The following CCN1 variants were observed in gnomAD, a reference collection of about 807,000 sequenced individuals.
CCN1 encodes the protein CCN family member 1.
Under a neutral mutation model 38.1 loss-of-function variants are expected in CCN1, and 12 were observed. The observed-to-expected ratio is 0.31, with a 90% CI of 0.20 to 0.51. The LOEUF (loss-of-function observed/expected upper bound fraction) is 0.51. Ranked by LOEUF, CCN1 falls within the 20% of genes least tolerant of loss-of-function variation. The pLI is 0.97. For synonymous variants in CCN1, 202 were observed against 196.1 expected, an observed-to-expected ratio of 1.03 and a Z score of -0.25; for missense variants, 466 against 490.9, an observed-to-expected ratio of 0.95 and a Z score of 0.48.
At position 85,582,824 on chromosome 1, in the gene CCN1, C is replaced by T. The variant is rs974090735; in HGVS notation, c.928C>T (p.Arg310Trp). ...TGGATGTTTGAGTGTGAAGAAATAC[C>T]GGCCCAAGTACTGCGGTTCCTGCGT... is the stretch of plus-strand genomic sequence containing the variant. Reference protein sequence around the residue: ...YAGCLSVKKYRPKYCGSCVDG... With the variant: ...YAGCLSVKKYWPKYCGSCVDG... The change falls in exon 5 of 5, where the codon CGG (arginine) becomes TGG (tryptophan). Residue 310 changes from arginine (R) to tryptophan (W), a missense_variant. Physicochemically the swap from Arg to Trp is moderately radical, Grantham distance 101. Transcript: ENST00000451137. 7 of 1,614,024 alleles carry T rather than the reference C, an allele frequency of 4.3e-6. No homozygotes were observed. In the African/African-American group the frequency reaches 5.3e-5, roughly 12 times the overall value.
In CCN1 at chr1:85,581,961, C is replaced by A; in HGVS notation, c.311C>A (p.Ser104Tyr). 6.2e-7 allele frequency: 1 copy of A among 1,614,174 alleles called. No individual in the cohort carries two copies. The highest frequency in any genetic ancestry group is 8.5e-7 in the Non-Finnish European group (1 of 1,180,026). The change falls in exon 3 of 5, where the codon TCC becomes TAC. Residue 104 changes from serine (S) to tyrosine (Y), a missense_variant. Around this residue, in one of 3 missense-constraint regions of CCN1, gnomAD observed 146 missense variants for 141.1 expected, o/e 1.03. Transcript: ENST00000451137. The stretch of plus-strand genomic sequence containing the variant: ...GAGGGCAGACCCTGTGAATATAACT[C>A]CAGAATCTACCAAAACGGGGAAAGT... ...QSEGRPCEYNSRIYQNGESFQ... is the reference protein window; with the variant it reads ...QSEGRPCEYNYRIYQNGESFQ...
At position 85,580,814 on chromosome 1, in the gene CCN1, C is replaced by T. The variant is rs552832714; in HGVS notation, c.-171C>T. The T allele has an allele frequency of 2.2e-5, 11 of 506,926 alleles. No individual in the cohort carries two copies. Among genetic ancestry groups the T allele is most frequent in the Middle Eastern group, 5.5e-4 (1 of 1,802 alleles). The allele number at this position is 506,926 out of a possible 1,614,324, so 31.4% of individuals were successfully genotyped here. ...GCGCCCGCGCCCTCCGCGCCTTCTC[C>T]GCCGGGACCTCGAGCGAAAGACGCC... On this transcript the variant is annotated 5_prime_UTR_variant, in exon 1 of 5. Transcript: ENST00000451137.
Position 85,583,358 on chromosome 1 carries a change from T to A in CCN1, c.*316T>A, listed in dbSNP as rs1279475768. ...TAAATTATTTGCTAAGCATATTTTC[T>A]CTAGGCTTTTTTCCTTTTGGGGTTC... On this transcript the variant is annotated 3_prime_UTR_variant, in exon 5 of 5. Transcript: ENST00000451137. The A allele has an allele frequency of 3.0e-6, 1 of 334,420 alleles. No homozygotes were observed. The allele number at this position is 334,420 out of a possible 1,614,324, so 20.7% of individuals were successfully genotyped here. A position where few individuals can be genotyped will look rare whatever the true frequency, so the allele number is the denominator to read the frequency against.
In CCN1 at chr1:85,582,085, T is replaced by C. The variant is rs373547106; in HGVS notation, c.435T>C (p.Cys145=). The C allele has an allele frequency of 1.2e-5, 20 of 1,614,026 alleles. No homozygotes were observed. The African/African-American group carries it at 2.7e-4, about 22-fold the overall frequency. Residue 145 remains cysteine, a synonymous_variant, in exon 3 of 5, where the codon TGT becomes TGC. Coordinates refer to ENST00000451137, the MANE Select transcript of CCN1 (RefSeq NM_001554.5). ...PQELSLPNLG[C]PNPRLVKVTG... is the part of the protein sequence containing the mutation. ...AACTATCTCTCCCCAACTTGGGCTG[T>C]CCCAACCCTCGGCTGGTCAAAGTTA...
intron 1 of CCN1, 79 bp from the exon 2 acceptor site, chr1:85,581,286 C>G: frequency 2.9e-6 from 4 of 1,398,174 alleles, no homozygotes; most frequent in Non-Finnish European, 2.9e-6. Flanking sequence ...GTCGGAGACC[C>G]CCGTCCCTCA....
Position 85,580,857 on chromosome 1 carries a change from T to C in CCN1, c.-128T>C. The C allele has an allele frequency of 1.2e-6, 1 of 843,510 alleles. No homozygotes were observed. The highest frequency in any genetic ancestry group is 1.6e-6 in the Non-Finnish European group (1 of 618,930). 52.3% of individuals were successfully genotyped at this position (843,510 alleles called of 1,614,324 possible). A position where few individuals can be genotyped will look rare whatever the true frequency, so the allele number is the denominator to read the frequency against. On this transcript the variant is annotated 5_prime_UTR_variant, in exon 1 of 5. Transcript: ENST00000451137. ...AAGACGCCCGCCCGCCGCCCAGCCC[T>C]CGCCTCCCTGCCCACCGGGCCCACC... is the stretch of plus-strand genomic sequence containing the variant.
Position 85,582,931 on chromosome 1 carries a change from G to T in CCN1, c.1035G>T (p.Lys345Asn). ...FRCEDGETFS[K>N]NVMMIQSCKC... is the part of the protein sequence containing the mutation. ...GCGAAGATGGGGAGACATTTTCCAA[G>T]AACGTCATGATGATCCAGTCCTGCA... is the stretch of plus-strand genomic sequence containing the variant. Residue 345 changes from lysine (K) to asparagine (N), a missense_variant, in exon 5 of 5, where the codon AAG becomes AAT. Physicochemically the swap from Lys to Asn is moderately conservative, Grantham distance 94 (BLOSUM62 0). This residue lies in a region of CCN1 where 309 missense variants were observed against 319.9 expected (regional missense o/e 0.97). Coordinates refer to ENST00000451137, the MANE Select transcript of CCN1 (RefSeq NM_001554.5). The T allele has an allele frequency of 6.2e-7, 1 of 1,614,216 alleles. No homozygotes were observed. The highest frequency in any genetic ancestry group is 8.5e-7 in the Non-Finnish European group (1 of 1,180,048).
intron 1 of CCN1, 151 bp from the exon 2 acceptor site, chr1:85,581,214 T>G: frequency 8.9e-6 from 10 of 1,124,166 alleles, no homozygotes; most frequent in South Asian, 1.6e-5. Context: ...CGGGACCTCT[T>G]GGTGGGAGCA....
chr1:85,581,442 G>A lies in CCN1; in HGVS notation c.141G>A (p.Arg47=), dbSNP rs1274666105. 1 of 1,610,092 alleles carries A rather than the reference G, an allele frequency of 6.2e-7. No homozygotes were observed. The change falls in exon 2 of 5, where the codon CGG becomes CGA. Residue 47 remains arginine, a synonymous_variant. Transcript: ENST00000451137. ...PKCAPGVGLV[R]DGCGCCKVCA... ...GCGCGCCGGGAGTCGGGCTGGTCCG[G>A]GACGGCTGCGGCTGCTGTAAGGTCT... is the stretch of plus-strand genomic sequence containing the variant.
rs543941690 is a variant in CCN1, at chr1:85,580,881, C to G, written c.-104C>G. ...CTCGCCTCCCTGCCCACCGGGCCCA[C>G]CGCGCCGCCACCCCGACCCCGCTGC... On this transcript the variant is annotated 5_prime_UTR_variant, in exon 1 of 5. Coordinates refer to ENST00000451137, the MANE Select transcript of CCN1 (RefSeq NM_001554.5). 112 of 1,164,258 alleles carry G rather than the reference C, an allele frequency of 9.6e-5. No homozygotes were observed. In the Middle Eastern group the frequency reaches 1.1e-3, roughly 12 times the overall value. 72.1% of individuals were successfully genotyped at this position (1,164,258 alleles called of 1,614,324 possible).
chr1:85,581,227 C>T (rs1659784104), intron 1 of CCN1, 138 bp from the exon 2 acceptor site: 3 of 1,196,466 alleles, frequency 2.5e-6, no homozygotes, highest in African/African-American at 1.5e-5. Context: ...TGGGAGCAGC[C>T]TTCCGAGGTG....
chr1:85,580,918 C>CCG lies in CCN1; in HGVS notation c.-65_-64dup. 1 of 1,454,004 alleles carries CCG rather than the reference C, an allele frequency of 6.9e-7. No individual in the cohort carries two copies. Among genetic ancestry groups the CCG allele is most frequent in the South Asian group, 1.4e-5 (1 of 69,922 alleles). The allele number at this position is 1,454,004 out of a possible 1,614,324, so 90.1% of individuals were successfully genotyped here. A position where few individuals can be genotyped will look rare whatever the true frequency, so the allele number is the denominator to read the frequency against. ...CCCGACCCCGCTGCGCACGGCCTGTCCGCTGCACACCAGCTTGTTGGCGTC... is the reference window on the plus strand; with the variant it reads ...CCCGACCCCGCTGCGCACGGCCTGTCCGCGCTGCACACCAGCTTGTTGGCGTC... On this transcript the variant is annotated 5_prime_UTR_variant, in exon 1 of 5. Coordinates refer to ENST00000451137, the MANE Select transcript of CCN1 (RefSeq NM_001554.5).
rs149202939 is a variant in CCN1, at chr1:85,581,854, G to A, written c.278-74G>A. 157 of 1,439,738 alleles carry A rather than the reference G, an allele frequency of 1.1e-4. No individual in the cohort carries two copies. The African/African-American group carries it at 2.0e-3, about 18-fold the overall frequency. 89.2% of individuals were successfully genotyped at this position (1,439,738 alleles called of 1,614,324 possible). A position where few individuals can be genotyped will look rare whatever the true frequency, so the allele number is the denominator to read the frequency against. On this transcript the variant is annotated intron_variant, in intron 2 of 4. Transcript: ENST00000451137. ...AATTGAATTTAACAGCAGAAAATAT[G>A]TATGAGTTTCAGGCGGTGGTTTGGA... is the stretch of plus-strand genomic sequence containing the variant.
rs1003234344 is a variant in CCN1 at position 85,582,639 on chromosome 1, G to A, written c.843+15G>A. 6 of 1,614,124 alleles carry A rather than the reference G, an allele frequency of 3.7e-6. No individual in the cohort carries two copies. The highest frequency in any genetic ancestry group is 5.1e-6 in the Non-Finnish European group (6 of 1,180,018). ...GCAGCCTGAAAGTAAGTTCCTTCAG[G>A]GACGTGTAGACTGTTGCCTGGCAGG... On this transcript the variant is annotated intron_variant, in intron 4 of 4. Transcript: ENST00000451137.
chr1:85,582,857 C>T lies in CCN1; in HGVS notation c.961C>T (p.Arg321Ter), dbSNP rs2100587440. The T allele has an allele frequency of 1.2e-6, 2 of 1,614,138 alleles. No individual in the cohort carries two copies. The highest frequency in any genetic ancestry group is 1.7e-5 in the Admixed American group (1 of 60,020). The change falls in exon 5 of 5, where the codon CGA becomes TGA. Residue 321 changes from arginine to a stop codon, truncating the protein, a stop_gained. Transcript: ENST00000451137. LOFTEE classifies it high-confidence loss of function. ...PKYCGSCVDG[R>*]CCTPQLTRTV... ...GTACTGCGGTTCCTGCGTGGACGGC[C>T]GATGCTGCACGCCCCAGCTGACCAG...
At chr1:85,581,851 TATGTATGAGTTTC>T in intron 2 of CCN1, 64 bp from the exon 3 acceptor site, 1 of 1,428,452 alleles carries the variant, frequency 7.0e-7, no homozygotes, top group Non-Finnish European at 9.9e-7. Context: ...CAGCAGAAAA[TATGTATGAGTTTC>T]AGGCGGTGGT....
At chr1:85,582,650 C>A in intron 4 of CCN1, 26 bp downstream of exon 4, 1 of 1,613,760 alleles carries the variant, frequency 6.2e-7, no homozygotes, top group South Asian at 1.1e-5. Flanking sequence ...GACGTGTAGA[C>A]TGTTGCCTGG....
intron 4 of CCN1, 52 bp from the exon 5 acceptor site, chr1:85,582,688 T>C: frequency 6.2e-7 from 1 of 1,612,250 alleles, no homozygotes; most frequent in Non-Finnish European, 8.5e-7. Context: ...AACATCTTTT[T>C]GAAGAAAGAG....
In CCN1 at chr1:85,583,055, T is replaced by C. The variant is rs1042800923; in HGVS notation, c.*13T>C. Reference sequence around the variant, plus strand: ...ATTTAGGGACTAAATGCTACCTGGGTTTCCAGGGCACACCTAGACAAACAA... The same window carrying C: ...ATTTAGGGACTAAATGCTACCTGGGCTTCCAGGGCACACCTAGACAAACAA... On this transcript the variant is annotated 3_prime_UTR_variant, in exon 5 of 5. Transcript: ENST00000451137. 5 of 1,602,864 alleles carry C rather than the reference T, an allele frequency of 3.1e-6. No individual in the cohort carries two copies. Among genetic ancestry groups the C allele is most frequent in the Non-Finnish European group, 3.4e-6 (4 of 1,171,414 alleles).
Sources: gnomAD v4.1 joint callset for allele counts on GRCh38, gnomAD v4.1.1 for gene constraint, gnomAD v4.1.1 regional missense constraint, MANE v1.5 for transcripts, NCBI Gene and HGNC (gene_info 2026-07-23, HGNC 2026-07-21) for gene names.